The following MCM3AP variants were observed in gnomAD, a reference collection of about 807,000 sequenced individuals.
MCM3AP encodes minichromosome maintenance complex component 3 associated protein.
MCM3AP carries 126 observed loss-of-function variants against 184.1 expected under a neutral mutation model. That is an observed-to-expected ratio of 0.68 (90% CI 0.59 to 0.79). MCM3AP has a LOEUF of 0.79. Among genes scored for constraint, MCM3AP ranks in the 30% least tolerant of loss-of-function variants. The pLI is 0.00. For missense variants in MCM3AP, 2,496 were observed against 2,479.2 expected, an observed-to-expected ratio of 1.01 and a Z score of -0.14; for synonymous variants, 1,002 against 979.3, an observed-to-expected ratio of 1.02 and a Z score of -0.43.
At chr21:46,279,660 A>G (rs2081302760) in intron 4 of MCM3AP, among the ~76,000 whole-genome samples, 1 of 152,220 alleles carries the variant, frequency 6.6e-6, no homozygotes. Context: ...GCCAGCCCCA[A>G]AGGAAGGCTT....
intron 20 of MCM3AP, among the ~76,000 whole-genome samples, chr21:46,248,928 AAG>A (rs1158628372): frequency 1.4e-4 from 21 of 152,302 alleles, no homozygotes; most frequent in Admixed American, 6.5e-4. Flanking sequence ...ATAGAAGTTC[AAG>A]AGAGAACAGA....
chr21:46,261,325 T>G lies in MCM3AP; in HGVS notation c.3422A>C (p.Glu1141Ala), dbSNP rs2081038361. ...RHIAAEEVSK[E>A]RERREQERQR... The stretch of plus-strand genomic sequence containing the variant: ...CCTCTCCTGCTCCCTTCGCTCTCTT[T>G]CCTTAGACACTTCTTCAGCTGCAAT... The change falls in exon 14 of 28, where the codon GAA (glutamate) becomes GCA (alanine). Residue 1141 changes from glutamate to alanine, a missense_variant. Coordinates refer to ENST00000291688, the MANE Select transcript of MCM3AP (RefSeq NM_003906.5). 1 of 1,614,194 alleles carries G rather than the reference T, an allele frequency of 6.2e-7. No homozygotes were observed. The highest frequency in any genetic ancestry group is 2.2e-5 in the East Asian group (1 of 44,880).
rs796543211 is a variant in MCM3AP at position 46,272,911 on chromosome 21, A to G, written c.2197-82T>C. 2.6e-5 allele frequency: 34 copies of G among 1,326,322 alleles called. No individual in the cohort carries two copies. The African/African-American group carries it at 4.3e-4, about 17-fold the overall frequency. The allele number at this position is 1,326,322 out of a possible 1,614,324, so 82.2% of individuals were successfully genotyped here. A position where few individuals can be genotyped will look rare whatever the true frequency, so the allele number is the denominator to read the frequency against. ...TGAGAAGGATCATGCTACGACCTCA[A>G]TTTCTCACTTTTCAATTTGAAACAA... On this transcript the variant is annotated intron_variant, in intron 7 of 27. Coordinates refer to ENST00000291688, the MANE Select transcript of MCM3AP (RefSeq NM_003906.5).
intron 24 of MCM3AP, 51 bp from the exon 25 acceptor site, chr21:46,242,982 TCTC>T: frequency 7.4e-7 from 1 of 1,359,658 alleles, no homozygotes; most frequent in Non-Finnish European, 9.6e-7. Flanking sequence ...GCCAACCCTG[TCTC>T]AAAAAAAAAA....
At chr21:46,276,125 G>A (rs543320744) in intron 5 of MCM3AP, among the ~76,000 whole-genome samples, 12 of 152,104 alleles carry the variant, frequency 7.9e-5, no homozygotes, top group African/African-American at 2.6e-4. Flanking sequence ...GGTGGCGCAT[G>A]GCTGTAGTCC....
chr21:46,236,141 G>C (rs2080520528), intron 27 of MCM3AP: 1 of 152,100 alleles, frequency 6.6e-6, no homozygotes, highest in Non-Finnish European at 1.5e-5. Flanking sequence ...TAATTCAAAG[G>C]GTATGAATAT....
rs772803844 is a variant in MCM3AP at position 46,241,019 on chromosome 21, T to A, written c.5427-2A>T. 6.2e-7 allele frequency: 1 copy of A among 1,602,770 alleles called. No homozygotes were observed. Among genetic ancestry groups the A allele is most frequent in the South Asian group, 1.1e-5 (1 of 90,804 alleles). ...GGATGAAAAGGCTTTATTGCCAAAC[T>A]GTAAGTACATGATTTGAAATGTTTA... On this transcript the variant is annotated splice_acceptor_variant, in intron 25 of 27. Coordinates refer to ENST00000291688, the MANE Select transcript of MCM3AP (RefSeq NM_003906.5). LOFTEE classifies it high-confidence loss of function.
chr21:46,282,946 G>C (rs2081351776), intron 2 of MCM3AP, among the ~76,000 whole-genome samples: 1 of 151,246 alleles, frequency 6.6e-6, no homozygotes, highest in South Asian at 2.1e-4. Context: ...TTTTTTTTGA[G>C]ACGGAGTCTG....
chr21:46,264,943 G>A (rs1004824556), intron 12 of MCM3AP, among the ~76,000 whole-genome samples: 2 of 150,362 alleles, frequency 1.3e-5, no homozygotes, highest in African/African-American at 4.9e-5. Context: ...CCATCAGGGG[G>A]ACATGCCCAC....
intron 23 of MCM3AP, 27 bp downstream of exon 23, chr21:46,244,780 C>T (rs763285409): frequency 4.4e-6 from 7 of 1,575,654 alleles, no homozygotes. Context: ...CAGCCACCCA[C>T]CAGACCTCCC....
rs1039421897 is a variant in MCM3AP, at chr21:46,246,757, C to G, written c.4420G>C (p.Val1474Leu). The change falls in exon 21 of 28, where the codon GTG becomes CTG. Residue 1474 changes from valine (V) to leucine (L), a missense_variant. Val to Leu is a conservative substitution (Grantham distance 32). Around this residue, in one of 5 missense-constraint regions of MCM3AP, gnomAD observed 1,323 missense variants for 1,273.4 expected, o/e 1.04. Transcript: ENST00000291688. The stretch of plus-strand genomic sequence containing the variant: ...TGCAGCAAGGCCGACAGCCAGTACA[C>G]GTCCTCCTCTGCCATGTCCTCACTC... ...MKSEDMAEED[V>L]YWLSALLQLK... 3.7e-6 allele frequency: 6 copies of G among 1,614,260 alleles called. No individual in the cohort carries two copies. The South Asian group carries it at 6.6e-5, about 18-fold the overall frequency.
Position 46,273,874 on chromosome 21 carries a change from C to T in MCM3AP, c.1999-289G>A, listed in dbSNP as rs866835858. Among the ~76,000 whole-genome samples, 27 of 152,170 alleles carry T rather than the reference C, an allele frequency of 1.8e-4. 1 individual carries two copies. Among genetic ancestry groups the T allele is most frequent in the African/African-American group, 5.8e-4 (24 of 41,452 alleles). ...TCTGCTAGCCTCCAAAGCAGAGAGA[C>T]GGGACAGGGAAGGGCCTCAAGCACT... On this transcript the variant is annotated intron_variant, in intron 6 of 27. Transcript: ENST00000291688.
At chr21:46,262,507 G>C (rs2081053106) in intron 13 of MCM3AP, among the ~76,000 whole-genome samples, 1 of 152,082 alleles carries the variant, frequency 6.6e-6, no homozygotes, top group Non-Finnish European at 1.5e-5. Flanking sequence ...AATTAGCCGG[G>C]TATGGTAGCA....
intron 15 of MCM3AP, 30 bp downstream of exon 15, chr21:46,260,763 G>T: frequency 6.7e-7 from 1 of 1,502,166 alleles, no homozygotes; most frequent in Non-Finnish European, 9.3e-7. Context: ...TCACTCTCCT[G>T]GCACAGCAAG....
In MCM3AP at chr21:46,265,341, C is replaced by A; in HGVS notation, c.3214G>T (p.Val1072Leu). 6.2e-7 allele frequency: 1 copy of A among 1,613,900 alleles called. No homozygotes were observed. Among genetic ancestry groups the A allele is most frequent in the Admixed American group, 1.7e-5 (1 of 60,020 alleles). Residue 1072 changes from valine (V) to leucine (L), a missense_variant, in exon 12 of 28, where the codon GTG becomes TTG. By Grantham distance (32) the Val-to-Leu change is conservative. This residue lies in a region of MCM3AP where 1,323 missense variants were observed against 1,273.4 expected (regional missense o/e 1.04). Coordinates refer to ENST00000291688, the MANE Select transcript of MCM3AP (RefSeq NM_003906.5). ...VQPEPPPPEPVPMYSDEDLAQ... is the reference protein window; with the variant it reads ...VQPEPPPPEPLPMYSDEDLAQ... ...CCTACCTCGTCAGAGTACATGGGCACGGGCTCTGGAGGCGGTGGTTCAGGC... is the reference window on the plus strand; with the variant it reads ...CCTACCTCGTCAGAGTACATGGGCAAGGGCTCTGGAGGCGGTGGTTCAGGC...
intron 26 of MCM3AP, 74 bp downstream of exon 26, chr21:46,240,737 C>T: frequency 7.5e-7 from 1 of 1,341,534 alleles, no homozygotes; most frequent in Non-Finnish European, 1.0e-6. Flanking sequence ...TTATATTAAT[C>T]AAGCAATAAC....
In MCM3AP at chr21:46,242,855, C is replaced by T. The variant is rs549733036; in HGVS notation, c.5373G>A (p.Ser1791=). 67 of 1,613,120 alleles carry T rather than the reference C, an allele frequency of 4.2e-5. No individual in the cohort carries two copies. Among genetic ancestry groups the T allele is most frequent in the African/African-American group, 2.7e-4 (20 of 74,940 alleles). ...GCGTCTGCAACCTGGCTTGTTCCCA[C>T]GACAAAGGAACATCATATTTTTTCA... ...NDLKKYDVPL[S]WEQARLQTQK... The change falls in exon 25 of 28, where the codon TCG becomes TCA. Residue 1791 remains serine, a synonymous_variant. Transcript: ENST00000291688.
rs1344029557 is a variant in MCM3AP at position 46,244,881 on chromosome 21, G to A, written c.4964C>T (p.Pro1655Leu). ...RLLPHLHWNA[P>L]EHLAWLKQAV... The stretch of plus-strand genomic sequence containing the variant: ...CTGCTTCAGCCAGGCCAGGTGCTCT[G>A]GGGCATTCCAGTGCAGGTGAGGAAG... The change falls in exon 23 of 28, where the codon CCA becomes CTA. Residue 1655 changes from proline to leucine, a missense_variant. This residue lies in a region of MCM3AP where 1,323 missense variants were observed against 1,273.4 expected (regional missense o/e 1.04). Transcript: ENST00000291688. 3 of 1,614,054 alleles carry A rather than the reference G, an allele frequency of 1.9e-6. No individual in the cohort carries two copies. The African/African-American group carries it at 4.0e-5, about 22-fold the overall frequency.
At position 46,235,260 on chromosome 21, in the gene MCM3AP, C is replaced by G. The variant is rs1333080441; in HGVS notation, c.*8G>C. 13 of 1,613,968 alleles carry G rather than the reference C, an allele frequency of 8.1e-6. No individual in the cohort carries two copies. The highest frequency in any genetic ancestry group is 1.0e-5 in the Non-Finnish European group (12 of 1,179,954). ...CGGGAGAGACCCCCTCCCCACAGGT[C>G]AGGCTGCTCAAATGTCCACCATGTC... On this transcript the variant is annotated 3_prime_UTR_variant, in exon 28 of 28. Transcript: ENST00000291688.
Sources: gnomAD v4.1 joint callset for allele counts (sites outside exome capture counted in the v4.1 genomes callset) on GRCh38, gnomAD v4.1.1 for gene constraint, gnomAD v4.1.1 regional missense constraint, MANE v1.5 for transcripts, NCBI Gene and HGNC (gene_info 2026-07-23, HGNC 2026-07-21) for gene names.